SLC25A26: variants seen among roughly 807,000 people sequenced by gnomAD.
SLC25A26 encodes the protein mitochondrial S-adenosylmethionine carrier protein.
A neutral mutation model predicts 37.8 loss-of-function variants in SLC25A26; 36 were observed. The ratio of observed to expected loss-of-function variants is 0.95; its 90% CI spans 0.73 to 1.26. The LOEUF (loss-of-function observed/expected upper bound fraction) is 1.26, where lower values mean the gene tolerates loss of function less well. Ranked by LOEUF, SLC25A26 falls within the 50% of genes most tolerant of loss-of-function variation. SLC25A26 has a pLI of 0.00. For synonymous variants in SLC25A26, 129 were observed against 122.5 expected (o/e 1.05, Z -0.35); for missense variants, 390 against 331.1 (o/e 1.18, Z -1.38).
At chr3:66,298,076 C>T (rs1355457962) in intron 5 of SLC25A26, among the ~76,000 whole-genome samples, 1 of 152,164 alleles carries the variant, frequency 6.6e-6, no homozygotes, top group Non-Finnish European at 1.5e-5. Flanking sequence ...GAATCTAAGT[C>T]CCCACTTGAG....
chr3:66,138,868 G>C (rs934295577), intron 1 of SLC25A26, among the ~76,000 whole-genome samples: 13 of 152,136 alleles, frequency 8.5e-5, no homozygotes, highest in African/African-American at 3.1e-4. Flanking sequence ...AATGTGAATA[G>C]TAATGGTCCT....
intron 5 of SLC25A26, among the ~76,000 whole-genome samples, chr3:66,332,383 C>T (rs1003134469): frequency 1.3e-4 from 20 of 152,166 alleles, no homozygotes; most frequent in South Asian, 6.2e-4. Context: ...TTCAAGTATT[C>T]TTATTTAGAA....
chr3:66,346,762 T>TGTGTGTG, intron 6 of SLC25A26, among the ~76,000 whole-genome samples: 9 of 102,392 alleles, frequency 8.8e-5, no homozygotes, highest in East Asian at 3.1e-4. Context: ...GTGTGTGTGT[T>TGTGTGTG]TAGAAGTTAA....
chr3:66,181,704 GA>G (rs764400478), intron 1 of SLC25A26, among the ~76,000 whole-genome samples: 15 of 150,790 alleles, frequency 9.9e-5, no homozygotes, highest in Non-Finnish European at 2.1e-4. Flanking sequence ...CAGATCCCCT[GA>G]CTCCAACTTC....
chr3:66,228,454 G>C (rs957080899), intron 1 of SLC25A26, among the ~76,000 whole-genome samples: 7 of 152,080 alleles, frequency 4.6e-5, no homozygotes, highest in African/African-American at 1.7e-4. Flanking sequence ...GACAAAATTT[G>C]GGTAACATTA....
chr3:66,274,519 T>A (rs2074065262), intron 5 of SLC25A26, among the ~76,000 whole-genome samples: 1 of 152,000 alleles, frequency 6.6e-6, no homozygotes, highest in African/African-American at 2.4e-5. Context: ...AGGGCTAATA[T>A]CCGGAATCTA....
At chr3:66,137,284 G>A (rs116237182) in intron 1 of SLC25A26, among the ~76,000 whole-genome samples, 12,725 of 148,302 alleles carry the variant, frequency 0.086, 620 homozygotes, top group Middle Eastern at 0.14. Flanking sequence ...GCAATGGCGC[G>A]ATCTCAAACT....
intron 1 of SLC25A26, among the ~76,000 whole-genome samples, chr3:66,182,005 G>A (rs1368674692): frequency 6.6e-6 from 1 of 152,060 alleles, no homozygotes; most frequent in African/African-American, 2.4e-5. Context: ...CCTTGTTTTA[G>A]CTCAAAGACA....
chr3:66,209,513 A>G (rs1434364933), intron 1 of SLC25A26, among the ~76,000 whole-genome samples: 3 of 142,190 alleles, frequency 2.1e-5, no homozygotes, highest in South Asian at 4.5e-4. Flanking sequence ...ATAGTTATAT[A>G]TTCTTTGTGT....
upstream of SLC25A26, among the ~76,000 whole-genome samples, chr3:66,220,485 ACT>A (rs2071438142): frequency 6.6e-6 from 1 of 152,142 alleles, no homozygotes. Flanking sequence ...AAATGCAGTA[ACT>A]CTGTAAAGAG....
At chr3:66,282,495 C>T (rs1305698322) in intron 5 of SLC25A26, among the ~76,000 whole-genome samples, 1 of 152,144 alleles carries the variant, frequency 6.6e-6, no homozygotes, top group African/African-American at 2.4e-5. Flanking sequence ...GTATCTTAGT[C>T]TTACCTTGTA....
chr3:66,376,079 C>G (rs1700633991), intron 9 of SLC25A26, among the ~76,000 whole-genome samples: 1 of 149,312 alleles, frequency 6.7e-6, no homozygotes, highest in Non-Finnish European at 1.5e-5. Context: ...ATGGCAAGAC[C>G]ACCGTAGTCA....
chr3:66,333,853 A>C (rs1381236268), intron 5 of SLC25A26, among the ~76,000 whole-genome samples: 1 of 152,150 alleles, frequency 6.6e-6, no homozygotes, highest in African/African-American at 2.4e-5. Flanking sequence ...CAAACAAAAA[A>C]CACACACTCC....
chr3:66,250,111 A>G (rs1320458712), intron 3 of SLC25A26, among the ~76,000 whole-genome samples: 1 of 152,232 alleles, frequency 6.6e-6, no homozygotes, highest in African/African-American at 2.4e-5. Context: ...TATCTCAACC[A>G]TATAAAAAGC....
At chr3:66,292,351 A>T (rs1004307321) in intron 5 of SLC25A26, among the ~76,000 whole-genome samples, 1 of 151,860 alleles carries the variant, frequency 6.6e-6, no homozygotes, top group Non-Finnish European at 1.5e-5. Flanking sequence ...TTACGATGCT[A>T]GGCAAAATAA....
chr3:66,184,585 C>CTTCTCACCTTGAGTTTACTATGTATTACA (rs1433768348), intron 1 of SLC25A26, among the ~76,000 whole-genome samples: 1 of 128,134 alleles, frequency 7.8e-6, no homozygotes, highest in Non-Finnish European at 1.7e-5. Context: ...TCACCTGACT[C>CTTCTCACCTTGAGTTTACTATGTATTACA]TGCTCACCTT....
intron 6 of SLC25A26, among the ~76,000 whole-genome samples, chr3:66,355,082 C>T (rs1296931213): frequency 6.6e-6 from 1 of 151,964 alleles, no homozygotes; most frequent in East Asian, 1.9e-4. Flanking sequence ...TAAATATCCC[C>T]CCACATATCT....
intron 1 of SLC25A26, among the ~76,000 whole-genome samples, chr3:66,179,259 A>T (rs1467043831): frequency 6.6e-6 from 1 of 152,240 alleles, no homozygotes; most frequent in African/African-American, 2.4e-5. Flanking sequence ...ATGTAGCATC[A>T]AGCTCCAAGC....
At chr3:66,313,455 C>G (rs894681345) in intron 5 of SLC25A26, among the ~76,000 whole-genome samples, 1 of 152,172 alleles carries the variant, frequency 6.6e-6, no homozygotes, top group South Asian at 2.1e-4. Flanking sequence ...TTTCTGAGTT[C>G]TTTATTCTAT....
Sources: gnomAD v4.1 joint callset for allele counts (sites outside exome capture counted in the v4.1 genomes callset) on GRCh38, gnomAD v4.1.1 for gene constraint, MANE v1.5 for transcripts, NCBI Gene and HGNC (gene_info 2026-07-23, HGNC 2026-07-21) for gene names.